The following TOX3 variants were observed in gnomAD, a reference collection of about 807,000 sequenced individuals.
TOX3 encodes CAG trinucleotide repeat-containing gene F9 protein.
Under a neutral mutation model 64.3 loss-of-function variants are expected in TOX3, and 22 were observed. That is an observed-to-expected ratio of 0.34 (90% CI 0.24 to 0.49). TOX3 has a LOEUF of 0.49. Among genes scored for constraint, TOX3 ranks in the 20% least tolerant of loss-of-function variants. The probability of loss-of-function intolerance (pLI) is 0.99; values close to 1 mark genes in which losing one functional copy is unlikely to be tolerated. For synonymous variants in TOX3, 291 were observed against 273.6 expected, an observed-to-expected ratio of 1.06 and a Z score of -0.63; for missense variants, 661 against 714.4, an observed-to-expected ratio of 0.93 and a Z score of 0.85.
intron 1 of TOX3, among the ~76,000 whole-genome samples, chr16:52,531,296 T>C (rs954686485): frequency 1.3e-5 from 2 of 152,238 alleles, no homozygotes; most frequent in Admixed American, 1.3e-4. Context: ...TTTGTGGTGC[T>C]GATCTATTAC....
Position 52,447,452 on chromosome 16 carries a change from G to A in TOX3, c.679-1231C>T, listed in dbSNP as rs115246909. On this transcript the variant is annotated intron_variant, in intron 4 of 6. Coordinates refer to ENST00000219746, the MANE Select transcript of TOX3 (RefSeq NM_001080430.4). Reference sequence around the variant, plus strand: ...TTACTAAAATTCTTAGGGAGGAAACGGATAAGGAACTTTTCTTAGAGAGCT... The same window carrying A: ...TTACTAAAATTCTTAGGGAGGAAACAGATAAGGAACTTTTCTTAGAGAGCT... 1.9e-3 allele frequency among the ~76,000 whole-genome samples: 284 copies of A among 152,184 alleles called. 2 individuals are homozygous for A. The highest frequency in any genetic ancestry group is 6.6e-3 in the African/African-American group (273 of 41,542).
chr16:52,521,514 C>T lies in TOX3; in HGVS notation c.87+25123G>A, dbSNP rs529271156. The stretch of plus-strand genomic sequence containing the variant: ...GGAAGTGCTTCATTTTACATAAAGC[C>T]CATTTTACTTTATGCCCCTTAAATA... On this transcript the variant is annotated intron_variant, in intron 1 of 6. Coordinates refer to ENST00000219746, the MANE Select transcript of TOX3 (RefSeq NM_001080430.4). Among the ~76,000 whole-genome samples, 4 of 152,208 alleles carry T rather than the reference C, an allele frequency of 2.6e-5. No homozygotes were observed. The South Asian group carries it at 8.3e-4, about 32-fold the overall frequency.
intron 5 of TOX3, 75 bp from the exon 6 acceptor site, chr16:52,444,431 G>T: frequency 7.9e-7 from 1 of 1,267,438 alleles, no homozygotes; most frequent in Non-Finnish European, 1.1e-6. Context: ...GCACAAATTA[G>T]GTCACATAAA....
intron 1 of TOX3, among the ~76,000 whole-genome samples, chr16:52,495,193 C>A (rs1244114527): frequency 1.3e-5 from 2 of 152,134 alleles, no homozygotes; most frequent in South Asian, 2.1e-4. Flanking sequence ...TTTAAGACAT[C>A]ATAATAAAAC....
chr16:52,460,516 T>C (rs1478352009), intron 3 of TOX3, among the ~76,000 whole-genome samples: 2 of 152,156 alleles, frequency 1.3e-5, no homozygotes, highest in Admixed American at 6.5e-5. Context: ...AAATGTTTCA[T>C]TGCAGGAAAG....
In TOX3 at chr16:52,439,230, A is replaced by G; in HGVS notation, c.1726T>C (p.Phe576Leu). The G allele has an allele frequency of 2.5e-6, 4 of 1,613,864 alleles. No individual in the cohort carries two copies. The highest frequency in any genetic ancestry group is 3.4e-6 in the Non-Finnish European group (4 of 1,179,844). ...TCCGTCTGCCATATGCGTCTTCAGA[A>G]AATACTGACCTGCGATAATACTTGA... ...QTQVLSQVSI[F>L] Residue 576 changes from phenylalanine to leucine, a missense_variant, in exon 7 of 7, where the codon TTC becomes CTC. Physicochemically the swap from Phe to Leu is conservative, Grantham distance 22. Around this residue, in one of 3 missense-constraint regions of TOX3, gnomAD observed 299 missense variants for 292.1 expected, o/e 1.02. Transcript: ENST00000219746.
rs11301340 is a variant in TOX3 at position 52,453,188 on chromosome 16, C to CTT, written c.409-2644_409-2643dup. The stretch of plus-strand genomic sequence containing the variant: ...GTCTTCATATATGTCTTTCAGAATG[C>CTT]TTTTTTTTTTTTTTAGATGGAGTCT... On this transcript the variant is annotated intron_variant, in intron 3 of 6. Transcript: ENST00000219746. 7.9e-3 allele frequency among the ~76,000 whole-genome samples: 1,141 copies of CTT among 143,800 alleles called. 12 individuals are homozygous for CTT. The highest frequency in any genetic ancestry group is 0.026 in the African/African-American group (1,016 of 38,728). The allele number at this position is 143,800 out of a possible 152,430, so 94.3% of individuals were successfully genotyped here.
At chr16:52,520,371 A>T (rs1356814735) in intron 1 of TOX3, among the ~76,000 whole-genome samples, 1 of 152,200 alleles carries the variant, frequency 6.6e-6, no homozygotes, top group Middle Eastern at 3.2e-3. Context: ...CTTAACAAAT[A>T]TAGATGTAAC....
intron 1 of TOX3, among the ~76,000 whole-genome samples, chr16:52,527,968 A>G (rs952768154): frequency 2.0e-5 from 3 of 152,186 alleles, no homozygotes; most frequent in Non-Finnish European, 2.9e-5. Flanking sequence ...TAAACCTCCT[A>G]TGATACACAG....
chr16:52,441,009 A>C (rs1377315030), intron 6 of TOX3, among the ~76,000 whole-genome samples: 1 of 151,314 alleles, frequency 6.6e-6, no homozygotes, highest in Non-Finnish European at 1.5e-5. Flanking sequence ...TGATCTGCCC[A>C]CCTCGGCCTC....
At chr16:52,471,091 T>G (rs1406820814) in intron 1 of TOX3, among the ~76,000 whole-genome samples, 1 of 152,176 alleles carries the variant, frequency 6.6e-6, no homozygotes, top group Non-Finnish European at 1.5e-5. Context: ...TTAAATTTAT[T>G]GAATAAACAG....
At chr16:52,526,416 T>C (rs566016436) in intron 1 of TOX3, among the ~76,000 whole-genome samples, 1 of 152,320 alleles carries the variant, frequency 6.6e-6, no homozygotes. Context: ...CAAATGAGTG[T>C]TCAAGGATGG....
chr16:52,529,525 A>G (rs188123913), intron 1 of TOX3, among the ~76,000 whole-genome samples: 23 of 152,340 alleles, frequency 1.5e-4, no homozygotes, highest in East Asian at 1.2e-3. Context: ...GTGATTTTTA[A>G]AAGGTAAGTA....
chr16:52,526,224 C>T (rs547490311), intron 1 of TOX3, among the ~76,000 whole-genome samples: 44 of 152,268 alleles, frequency 2.9e-4, no homozygotes, highest in Admixed American at 8.5e-4. Flanking sequence ...CCAGCGAAAG[C>T]TTCAATAATC....
Position 52,439,228 on chromosome 16 carries a change from G to T in TOX3, c.1728C>A (p.Phe576Leu). The change falls in exon 7 of 7, where the codon TTC becomes TTA. Residue 576 changes from phenylalanine to leucine, a missense_variant. Phe to Leu is a conservative substitution (Grantham distance 22). This residue lies in a region of TOX3 where 299 missense variants were observed against 292.1 expected (regional missense o/e 1.02). Transcript: ENST00000219746. The part of the protein sequence containing the change: ...QTQVLSQVSI[F>L] ...AATCCGTCTGCCATATGCGTCTTCA[G>T]AAAATACTGACCTGCGATAATACTT... The T allele has an allele frequency of 6.2e-7, 1 of 1,613,884 alleles. No homozygotes were observed. The highest frequency in any genetic ancestry group is 1.1e-5 in the South Asian group (1 of 91,064).
chr16:52,521,145 A>C (rs760833473), intron 1 of TOX3, among the ~76,000 whole-genome samples: 11 of 152,356 alleles, frequency 7.2e-5, no homozygotes, highest in Middle Eastern at 3.4e-3. Context: ...CTGCTAAAAA[A>C]GAGATTAGCA....
rs140746302 is a variant in TOX3 at position 52,528,936 on chromosome 16, C to G, written c.87+17701G>C. 3.9e-3 allele frequency among the ~76,000 whole-genome samples: 597 copies of G among 152,294 alleles called. 4 individuals are homozygous for G. The highest frequency in any genetic ancestry group is 0.013 in the African/African-American group (552 of 41,556). On this transcript the variant is annotated intron_variant, in intron 1 of 6. Coordinates refer to ENST00000219746, the MANE Select transcript of TOX3 (RefSeq NM_001080430.4). The stretch of plus-strand genomic sequence containing the variant: ...ACTTTCTCAAAGGACAAATGCCCTG[C>G]ATGAGTGCAGAAACTCTTTGCAACC...
chr16:52,463,126 T>C (rs1478175448), intron 3 of TOX3, among the ~76,000 whole-genome samples: 2 of 152,198 alleles, frequency 1.3e-5, no homozygotes, highest in Non-Finnish European at 2.9e-5. Context: ...AACACATCTG[T>C]TTCATTTTAT....
At chr16:52,543,795 T>C (rs1280358424) in intron 1 of TOX3, among the ~76,000 whole-genome samples, 2 of 152,202 alleles carry the variant, frequency 1.3e-5, no homozygotes, top group African/African-American at 4.8e-5. Flanking sequence ...CTTTCATCCA[T>C]TCTCCACAGA....
Sources: gnomAD v4.1 joint callset for allele counts (sites outside exome capture counted in the v4.1 genomes callset) on GRCh38, gnomAD v4.1.1 for gene constraint, gnomAD v4.1.1 regional missense constraint, MANE v1.5 for transcripts, NCBI Gene and HGNC (gene_info 2026-07-23, HGNC 2026-07-21) for gene names.